Variants in NBEA observed in about 807,000 individuals in gnomAD.
NBEA encodes the protein lysosomal-trafficking regulator 2.
A neutral mutation model predicts 343.4 loss-of-function variants in NBEA; 44 were observed. That is an observed-to-expected ratio of 0.13 (90% confidence interval 0.10 to 0.16). The LOEUF (loss-of-function observed/expected upper bound fraction) is 0.16, where lower values mean the gene tolerates loss of function less well. NBEA is among the 10% of genes least tolerant of loss of function. NBEA has a pLI of 1.00. For missense variants in NBEA, 2,555 were observed against 3,631.3 expected (o/e 0.70, Z 7.62); for synonymous variants, 1,175 against 1,238.7 (o/e 0.95, Z 1.08).
intron 1 of NBEA, among the ~76,000 whole-genome samples, chr13:35,039,446 C>G (rs938720584): frequency 6.6e-6 from 1 of 151,964 alleles, no homozygotes; most frequent in African/African-American, 2.4e-5. Context: ...TGCCATCTTG[C>G]CTCACCTCCC....
chr13:35,266,601 C>T (rs1036733673), intron 34 of NBEA, among the ~76,000 whole-genome samples: 1 of 151,716 alleles, frequency 6.6e-6, no homozygotes, highest in African/African-American at 2.4e-5. Flanking sequence ...ACAAATATTG[C>T]ATCATCTCAC....
At chr13:34,998,751 G>A (rs7318824) in intron 1 of NBEA, among the ~76,000 whole-genome samples, 12,479 of 151,856 alleles carry the variant, frequency 0.082, 637 homozygotes, top group African/African-American at 0.14. Flanking sequence ...ATTTCATATT[G>A]TTCAAACACA....
chr13:35,321,761 G>A (rs2038162878), intron 36 of NBEA, among the ~76,000 whole-genome samples: 1 of 152,204 alleles, frequency 6.6e-6, no homozygotes, highest in Non-Finnish European at 1.5e-5. Context: ...GCTCCTGACT[G>A]GGGCTGCTGC....
chr13:35,670,074 T>A (rs951269420), intron 58 of NBEA, among the ~76,000 whole-genome samples: 1 of 152,234 alleles, frequency 6.6e-6, no homozygotes, highest in Non-Finnish European at 1.5e-5. Context: ...GAATAGTGCA[T>A]GCATATCAAT....
At chr13:35,205,733 A>C (rs1318248867) in intron 31 of NBEA, among the ~76,000 whole-genome samples, 2 of 152,112 alleles carry the variant, frequency 1.3e-5, no homozygotes, top group African/African-American at 4.8e-5. Context: ...GAGCCATAGC[A>C]ATACTCGTAA....
intron 48 of NBEA, 25 bp downstream of exon 48, chr13:35,606,603 G>C: frequency 6.4e-7 from 1 of 1,571,006 alleles, no homozygotes; most frequent in South Asian, 1.2e-5. Flanking sequence ...GCTTTTGCTT[G>C]GGCAGTCATC....
At chr13:35,111,995 C>A (rs1014922079) in intron 13 of NBEA, among the ~76,000 whole-genome samples, 1 of 146,400 alleles carries the variant, frequency 6.8e-6, no homozygotes, top group Non-Finnish European at 1.5e-5. Context: ...CAGCTCACTG[C>A]AAGCTCTGCC....
intron 36 of NBEA, among the ~76,000 whole-genome samples, chr13:35,310,488 A>T (rs1216996372): frequency 6.6e-6 from 1 of 152,236 alleles, no homozygotes; most frequent in East Asian, 1.9e-4. Flanking sequence ...CTTTGCGGGC[A>T]TGGCTGACTC....
chr13:35,533,837 C>T (rs892069286), intron 41 of NBEA, among the ~76,000 whole-genome samples: 4 of 152,180 alleles, frequency 2.6e-5, no homozygotes, highest in African/African-American at 9.6e-5. Flanking sequence ...CTGTGTGCCA[C>T]ACACTATACT....
chr13:35,535,038 A>G (rs2078466391), intron 41 of NBEA, among the ~76,000 whole-genome samples: 1 of 152,212 alleles, frequency 6.6e-6, no homozygotes, highest in Non-Finnish European at 1.5e-5. Flanking sequence ...CTTTTTGGTT[A>G]TATTTAACCC....
chr13:35,529,401 C>T (rs1413585819), intron 41 of NBEA, among the ~76,000 whole-genome samples: 3 of 152,166 alleles, frequency 2.0e-5, no homozygotes, highest in African/African-American at 7.2e-5. Flanking sequence ...CTTGTGTACA[C>T]TTATACACAT....
At chr13:35,094,826 A>C (rs2065253118) in intron 10 of NBEA, among the ~76,000 whole-genome samples, 1 of 151,956 alleles carries the variant, frequency 6.6e-6, no homozygotes, top group East Asian at 1.9e-4. Flanking sequence ...AAAATGTCAA[A>C]AGATTTTTCC....
At chr13:35,644,884 C>T (rs2084146013) in intron 49 of NBEA, among the ~76,000 whole-genome samples, 1 of 152,078 alleles carries the variant, frequency 6.6e-6, no homozygotes, top group Non-Finnish European at 1.5e-5. Context: ...GAGTAGACAC[C>T]ATGCAAATAA....
chr13:35,139,757 T>TTTTG (rs1555316351), intron 17 of NBEA, among the ~76,000 whole-genome samples: 23 of 135,908 alleles, frequency 1.7e-4, no homozygotes, highest in Non-Finnish European at 2.4e-4. Flanking sequence ...TTTTTTTTTT[T>TTTTG]TTTTTTTTTT....
intron 36 of NBEA, among the ~76,000 whole-genome samples, chr13:35,335,503 T>C (rs2039197129): frequency 6.8e-6 from 1 of 146,322 alleles, no homozygotes; most frequent in East Asian, 1.9e-4. Context: ...TTTTTTGATG[T>C]TCTCTTTGAT....
At chr13:35,341,536 A>C (rs759615064) in intron 36 of NBEA, among the ~76,000 whole-genome samples, 19 of 152,118 alleles carry the variant, frequency 1.2e-4, no homozygotes, top group Non-Finnish European at 2.2e-4. Context: ...TAACCCTTAC[A>C]ACTCAATAAT....
chr13:35,543,296 T>C (rs1255957983), intron 41 of NBEA, among the ~76,000 whole-genome samples: 4 of 152,226 alleles, frequency 2.6e-5, no homozygotes, highest in Non-Finnish European at 2.9e-5. Context: ...TAACTTTCTT[T>C]TTTATAGAGG....
intron 36 of NBEA, among the ~76,000 whole-genome samples, 158 bp from the exon 37 acceptor site, chr13:35,348,950 T>A (rs1041875123): frequency 3.9e-5 from 6 of 152,068 alleles, no homozygotes; most frequent in African/African-American, 1.4e-4. Flanking sequence ...TTTCTATATT[T>A]CACATTTTAC....
At chr13:35,173,084 CT>C (rs1241149082) in intron 26 of NBEA, among the ~76,000 whole-genome samples, 3 of 147,378 alleles carry the variant, frequency 2.0e-5, no homozygotes, top group Non-Finnish European at 4.5e-5. Flanking sequence ...AGGGCAGAAG[CT>C]TTATTAAATT....
Sources: allele counts gnomAD v4.1 joint callset (sites outside exome capture counted in the v4.1 genomes callset), GRCh38; gene constraint gnomAD v4.1.1; transcripts MANE v1.5; gene names NCBI Gene and HGNC (gene_info 2026-07-23, HGNC 2026-07-21).